The following NFASC variants were observed in gnomAD, a reference collection of about 807,000 sequenced individuals.
NFASC encodes neurofascin homolog.
Under a neutral mutation model 147.5 loss-of-function variants are expected in NFASC, and 43 were observed. The ratio of observed to expected loss-of-function variants is 0.29; its 90% CI spans 0.23 to 0.38. The LOEUF (loss-of-function observed/expected upper bound fraction) is 0.38. NFASC is among the 10% of genes least tolerant of loss of function. The pLI, the probability that NFASC is intolerant of heterozygous loss-of-function variation, is 1.00. For missense variants in NFASC, 1,320 were observed against 1,689.0 expected (o/e 0.78, Z 3.83); for synonymous variants, 622 against 665.5 (o/e 0.93, Z 1.01).
intron 1 of NFASC, among the ~76,000 whole-genome samples, chr1:204,854,201 C>A (rs2075954755): frequency 6.6e-6 from 1 of 151,966 alleles, no homozygotes; most frequent in Non-Finnish European, 1.5e-5. Flanking sequence ...GTGGGCTCAT[C>A]AAGGGGATGC....
intron 1 of NFASC, among the ~76,000 whole-genome samples, chr1:204,850,740 T>C (rs999520395): frequency 1.4e-4 from 21 of 152,240 alleles, no homozygotes; most frequent in South Asian, 2.1e-4. Flanking sequence ...CATGCTTCTG[T>C]ACAGCCTGTG....
intron 1 of NFASC, among the ~76,000 whole-genome samples, chr1:204,852,875 A>C (rs2075820200): frequency 1.3e-5 from 2 of 152,068 alleles, no homozygotes; most frequent in Admixed American, 6.5e-5. Flanking sequence ...TTTTAAGTAC[A>C]TGTTTTGGGG....
At chr1:204,870,827 G>C in intron 1 of NFASC, 1 of 1,180,490 alleles carries the variant, frequency 8.5e-7, no homozygotes, top group Non-Finnish European at 1.1e-6. Flanking sequence ...TGGCCGATGG[G>C]GGTGACAAGG....
intron 24 of NFASC, among the ~76,000 whole-genome samples, chr1:204,995,673 G>C (rs2095832693): frequency 6.6e-6 from 1 of 152,048 alleles, no homozygotes; most frequent in Admixed American, 6.5e-5. Context: ...TTATTAGCAG[G>C]GAAGCAGGAG....
chr1:204,989,047 C>A (rs2095668213), intron 23 of NFASC: 2 of 561,522 alleles, frequency 3.6e-6, no homozygotes, highest in Non-Finnish European at 6.4e-6. Flanking sequence ...CCCTGACTTG[C>A]TCAGTCACTT....
chr1:205,012,773 T>C (rs2096276978), intron 28 of NFASC, 24 bp from the exon 29 acceptor site: 5 of 1,579,864 alleles, frequency 3.2e-6, no homozygotes, highest in Non-Finnish European at 4.4e-6. Context: ...CGTGTCTGTG[T>C]CTTTGCTTCT....
Position 204,921,093 on chromosome 1 carries a change from G to A in NFASC, c.-91+353G>A, listed in dbSNP as rs371199903. Among the ~76,000 whole-genome samples the A allele has an allele frequency of 4.0e-4, 61 of 152,328 alleles. 1 individual carries two copies. Among genetic ancestry groups the A allele is most frequent in the African/African-American group, 1.4e-3 (58 of 41,560 alleles). On this transcript the variant is annotated intron_variant, in intron 2 of 29. Transcript: ENST00000339876. ...TAGTCTCGGCCTCTACAACCTGGAT[G>A]CTCCTGAGTGACAGCCCTGGCATAT...
rs577597202 is a variant in NFASC at position 204,887,620 on chromosome 1, A to G, written c.-199-33012A>G. On this transcript the variant is annotated intron_variant, in intron 1 of 29. Transcript: ENST00000339876. ...TTTTTTTTTTTTTTTTTTTTTTGAGACAGGGTCTTACTCTGTTGCTGTCAC... is the reference window on the plus strand; with the variant it reads ...TTTTTTTTTTTTTTTTTTTTTTGAGGCAGGGTCTTACTCTGTTGCTGTCAC... Among the ~76,000 whole-genome samples, 29 of 71,014 alleles carry G rather than the reference A, an allele frequency of 4.1e-4. No homozygotes were observed. The South Asian group carries it at 0.013, about 32-fold the overall frequency. The allele number at this position is 71,014 out of a possible 152,430, so 46.6% of individuals were successfully genotyped here.
At chr1:204,860,555 T>C (rs2102834577) in intron 1 of NFASC, among the ~76,000 whole-genome samples, 1 of 152,306 alleles carries the variant, frequency 6.6e-6, no homozygotes, top group South Asian at 2.1e-4. Flanking sequence ...TGCCCACTTC[T>C]TTTTTCTTTG....
At chr1:204,895,494 G>T (rs937519020) in intron 1 of NFASC, among the ~76,000 whole-genome samples, 1 of 152,152 alleles carries the variant, frequency 6.6e-6, no homozygotes, top group Admixed American at 6.5e-5. Context: ...TAGAGGATGT[G>T]CATCCATTCT....
At chr1:204,888,323 G>A (rs111945973) in intron 1 of NFASC, among the ~76,000 whole-genome samples, 488 of 152,286 alleles carry the variant, frequency 3.2e-3, no homozygotes, top group Non-Finnish European at 5.0e-3. Flanking sequence ...GTTAAAGATC[G>A]AATTAGCTTT....
chr1:204,898,488 G>A (rs1339055132), intron 1 of NFASC, among the ~76,000 whole-genome samples: 1 of 152,134 alleles, frequency 6.6e-6, no homozygotes, highest in Non-Finnish European at 1.5e-5. Context: ...CTCTCTCTGA[G>A]GAAGAACTTT....
chr1:204,954,473 C>A lies in NFASC; in HGVS notation c.412+89C>A. On this transcript the variant is annotated intron_variant, in intron 6 of 29. Coordinates refer to ENST00000339876, the MANE Select transcript of NFASC (RefSeq NM_001005388.3). This position sits in a 1 kb window ranked among gnomAD's most constrained non-coding sequence, Gnocchi z 5.7. ...GAAGGCCATTCCAGAAGGGCTGCCCCTGCCCTTGGCCTGCAGTTGCCTTGG... is the reference window on the plus strand; with the variant it reads ...GAAGGCCATTCCAGAAGGGCTGCCCATGCCCTTGGCCTGCAGTTGCCTTGG... 7.8e-7 allele frequency: 1 copy of A among 1,286,274 alleles called. No homozygotes were observed. Among genetic ancestry groups the A allele is most frequent in the Admixed American group, 2.3e-5 (1 of 44,444 alleles). 79.7% of individuals were successfully genotyped at this position (1,286,274 alleles called of 1,614,324 possible). A position where few individuals can be genotyped will look rare whatever the true frequency, so the allele number is the denominator to read the frequency against.
rs2096392441 is a variant in NFASC, at chr1:205,020,390, C to A, written c.*3851C>A. 6.6e-6 allele frequency: 1 copy of A among 152,304 alleles called. No homozygotes were observed. The highest frequency in any genetic ancestry group is 2.4e-5 in the African/African-American group (1 of 41,440). The allele number at this position is 152,304 out of a possible 1,614,324, so 9.4% of individuals were successfully genotyped here. A position where few individuals can be genotyped will look rare whatever the true frequency, so the allele number is the denominator to read the frequency against. ...GCCAAGCAGTGCTTCCAAGGGATAGCGATCCAGATTCCAACATTGTCTTGG... is the reference window on the plus strand; with the variant it reads ...GCCAAGCAGTGCTTCCAAGGGATAGAGATCCAGATTCCAACATTGTCTTGG... On this transcript the variant is annotated 3_prime_UTR_variant, in exon 30 of 30. Coordinates refer to ENST00000339876, the MANE Select transcript of NFASC (RefSeq NM_001005388.3).
At chr1:204,941,138 T>C (rs997595039) in intron 2 of NFASC, among the ~76,000 whole-genome samples, 1 of 152,220 alleles carries the variant, frequency 6.6e-6, no homozygotes, top group Admixed American at 6.5e-5. Context: ...TTTCTACCTT[T>C]GCCACTAACC....
intron 24 of NFASC, 61 bp downstream of exon 24, chr1:204,991,367 C>T: frequency 6.4e-7 from 1 of 1,568,732 alleles, no homozygotes; most frequent in Non-Finnish European, 8.7e-7. Context: ...GGAGCCCAGC[C>T]CAGCCAGGGC....
At chr1:204,959,944 A>T (rs2094590268) in intron 8 of NFASC, among the ~76,000 whole-genome samples, 1 of 152,226 alleles carries the variant, frequency 6.6e-6, no homozygotes, top group Non-Finnish European at 1.5e-5. Flanking sequence ...GAGACCCCCT[A>T]GGTGATTGGA....
intron 1 of NFASC, among the ~76,000 whole-genome samples, chr1:204,897,057 C>T (rs867670420): frequency 6.6e-6 from 1 of 151,922 alleles, no homozygotes; most frequent in Non-Finnish European, 1.5e-5. Context: ...GGTTCCCCCC[C>T]TTCCCCCCGA....
chr1:205,011,257 T>A (rs2096249838), intron 28 of NFASC, among the ~76,000 whole-genome samples: 1 of 144,212 alleles, frequency 6.9e-6, no homozygotes, highest in Non-Finnish European at 1.5e-5. Flanking sequence ...GGAGACTGGA[T>A]TCTTTTTCAT....
Sources: gnomAD v4.1 joint callset for allele counts (sites outside exome capture counted in the v4.1 genomes callset) on GRCh38, gnomAD v4.1.1 for gene constraint, Gnocchi (gnomAD v3.1) non-coding constraint, MANE v1.5 for transcripts, NCBI Gene and HGNC (gene_info 2026-07-23, HGNC 2026-07-21) for gene names.